Variants in PIK3CB observed in about 807,000 individuals in gnomAD.
PIK3CB encodes the protein phosphatidylinositol-4,5-bisphosphate 3-kinase catalytic subunit beta.
A neutral mutation model predicts 136.8 loss-of-function variants in PIK3CB; 39 were observed. That is an observed-to-expected ratio of 0.29 (90% CI 0.22 to 0.37). The LOEUF (loss-of-function observed/expected upper bound fraction) is 0.37, where lower values mean the gene tolerates loss of function less well. Among genes scored for constraint, PIK3CB ranks in the 10% least tolerant of loss-of-function variants. PIK3CB has a pLI of 1.00. For missense variants in PIK3CB, 868 were observed against 1,275.4 expected (o/e 0.68, Z 4.87); for synonymous variants, 428 against 436.6 (o/e 0.98, Z 0.25).
At chr3:138,809,077 C>T (rs1309799935) in intron 1 of PIK3CB, among the ~76,000 whole-genome samples, 1 of 151,690 alleles carries the variant, frequency 6.6e-6, no homozygotes, top group African/African-American at 2.4e-5. Flanking sequence ...AGTTCAAGAT[C>T]ATCCTGGCCA....
At chr3:138,701,796 A>AG (rs1328455387) in intron 12 of PIK3CB, among the ~76,000 whole-genome samples, 1 of 150,998 alleles carries the variant, frequency 6.6e-6, no homozygotes, top group Non-Finnish European at 1.5e-5. Context: ...AAAAAAAAAA[A>AG]AAAAAGAAAA....
Position 138,665,221 on chromosome 3 carries a change from G to T in PIK3CB, c.2505-18C>A. 2 of 1,525,062 alleles carry T rather than the reference G, an allele frequency of 1.3e-6. No individual in the cohort carries two copies. Among genetic ancestry groups the T allele is most frequent in the Non-Finnish European group, 1.8e-6 (2 of 1,128,666 alleles). The allele number at this position is 1,525,062 out of a possible 1,614,324, so 94.5% of individuals were successfully genotyped here. On this transcript the variant is annotated intron_variant, in intron 19 of 23. Coordinates refer to ENST00000674063, the MANE Select transcript of PIK3CB (RefSeq NM_006219.3). Reference sequence around the variant, plus strand: ...GCAACATCCTGGAAGGAAAAAAATGGGCATAGAGTCATATTTTCCTTAAAA... The same window carrying T: ...GCAACATCCTGGAAGGAAAAAAATGTGCATAGAGTCATATTTTCCTTAAAA...
intron 13 of PIK3CB, among the ~76,000 whole-genome samples, chr3:138,697,425 T>G (rs1270575875): frequency 6.0e-5 from 9 of 150,976 alleles, no homozygotes; most frequent in Non-Finnish European, 1.3e-4. Flanking sequence ...TCCAAAGATT[T>G]ATTTATTTAT....
At chr3:138,701,708 C>T (rs765284532) in intron 12 of PIK3CB, among the ~76,000 whole-genome samples, 2 of 150,648 alleles carry the variant, frequency 1.3e-5, no homozygotes, top group Non-Finnish European at 1.5e-5. Flanking sequence ...TCGCTTGAAC[C>T]CGGGGTGGCA....
At chr3:138,699,570 CAG>C (rs1577090012) in intron 12 of PIK3CB, among the ~76,000 whole-genome samples, 2 of 151,140 alleles carry the variant, frequency 1.3e-5, no homozygotes, top group East Asian at 1.9e-4. Flanking sequence ...TGATTACAAA[CAG>C]GGGATTGAGC....
chr3:138,661,176 G>A (rs1389849516), intron 21 of PIK3CB, among the ~76,000 whole-genome samples: 3 of 152,170 alleles, frequency 2.0e-5, no homozygotes, highest in African/African-American at 7.2e-5. Flanking sequence ...TGTAGTCTCT[G>A]TAGAAATAAG....
At chr3:138,756,406 C>T (rs1334098242) in intron 3 of PIK3CB, among the ~76,000 whole-genome samples, 1 of 152,082 alleles carries the variant, frequency 6.6e-6, no homozygotes, top group Non-Finnish European at 1.5e-5. Context: ...TAAGCAGAAA[C>T]TACTGATCAG....
At chr3:138,744,791 C>T (rs1432201579) in intron 4 of PIK3CB, among the ~76,000 whole-genome samples, 2 of 152,188 alleles carry the variant, frequency 1.3e-5, no homozygotes, top group Non-Finnish European at 2.9e-5. Flanking sequence ...TTTTCGGGCA[C>T]TGTTTCTTCT....
rs567255298 is a variant in PIK3CB at position 138,703,497 on chromosome 3, C to CA, written c.1581+945dup. 3.6e-4 allele frequency among the ~76,000 whole-genome samples: 54 copies of CA among 150,776 alleles called. No homozygotes were observed. The South Asian group carries it at 0.011, about 30-fold the overall frequency. ...ATACTGGATTACAGCTCAACAAAGT[C>CA]AAACTAGAAAGAGCCAAAAAATTAA... On this transcript the variant is annotated intron_variant, in intron 12 of 23. Transcript: ENST00000674063.
chr3:138,753,351 T>C (rs2108711156), intron 4 of PIK3CB, among the ~76,000 whole-genome samples: 1 of 151,608 alleles, frequency 6.6e-6, no homozygotes, highest in East Asian at 1.9e-4. Flanking sequence ...TGAAACCCTG[T>C]CTCTAATAAA....
chr3:138,708,618 G>C (rs1033266998), intron 10 of PIK3CB, among the ~76,000 whole-genome samples: 3 of 143,012 alleles, frequency 2.1e-5, no homozygotes, highest in African/African-American at 7.8e-5. Context: ...TAATCTTCCT[G>C]TTTTTTTAGA....
At position 138,682,039 on chromosome 3, in the gene PIK3CB, C is replaced by T. The variant is rs777941492; in HGVS notation, c.2432G>A (p.Arg811Gln). Reference protein sequence around the residue: ...GVIFKNGDDLRQDMLTLQMLR... With the variant: ...GVIFKNGDDLQQDMLTLQMLR... Reference sequence around the variant, plus strand: ...CATTTGGAGTGTCAACATATCCTGTCGTAAATCTAAGGGAAAACAAACTGC... The same window carrying T: ...CATTTGGAGTGTCAACATATCCTGTTGTAAATCTAAGGGAAAACAAACTGC... Residue 811 changes from arginine to glutamine, a missense_variant, in exon 19 of 24, where the codon CGA (arginine) becomes CAA (glutamine). By Grantham distance (43) the Arg-to-Gln change is conservative. Transcript: ENST00000674063. The T allele has an allele frequency of 6.2e-7, 1 of 1,608,500 alleles. No individual in the cohort carries two copies. Among genetic ancestry groups the T allele is most frequent in the Non-Finnish European group, 8.5e-7 (1 of 1,176,814 alleles).
intron 1 of PIK3CB, among the ~76,000 whole-genome samples, chr3:138,799,885 C>G (rs2046152975): frequency 6.6e-6 from 1 of 151,776 alleles, no homozygotes; most frequent in African/African-American, 2.4e-5. Flanking sequence ...TGCCATGTTG[C>G]CCAGGCTGGT....
rs936932124 is a variant in PIK3CB, at chr3:138,683,803, G to A, written c.2316-16C>T. On this transcript the variant is annotated splice_polypyrimidine_tract_variant and intron_variant, in intron 17 of 23. Coordinates refer to ENST00000674063, the MANE Select transcript of PIK3CB (RefSeq NM_006219.3). ...CTTTTCAACACTGAAATCAAGTGGG[G>A]AAAATTAGTCAACTTCAGTGTAATG... 1.5e-6 allele frequency: 2 copies of A among 1,307,486 alleles called. No individual in the cohort carries two copies. Among genetic ancestry groups the A allele is most frequent in the Non-Finnish European group, 2.2e-6 (2 of 901,906 alleles). 81.0% of individuals were successfully genotyped at this position (1,307,486 alleles called of 1,614,324 possible).
intron 14 of PIK3CB, among the ~76,000 whole-genome samples, chr3:138,693,739 C>T (rs2044059589): frequency 1.3e-5 from 2 of 151,458 alleles, no homozygotes; most frequent in Non-Finnish European, 2.9e-5. Flanking sequence ...TAAACTAATG[C>T]ATATGGCAAG....
intron 2 of PIK3CB, chr3:138,778,188 TG>T: frequency 2.2e-6 from 1 of 457,792 alleles, no homozygotes; most frequent in Admixed American, 2.3e-5. Flanking sequence ...TCATCATCTC[TG>T]CCCCCTCTGC....
intron 6 of PIK3CB, among the ~76,000 whole-genome samples, chr3:138,736,495 A>G (rs2045106543): frequency 6.6e-6 from 1 of 152,170 alleles, no homozygotes; most frequent in Admixed American, 6.5e-5. Context: ...GTAACTACTA[A>G]CCTCTAACTG....
chr3:138,811,768 T>C (rs1226695663), intron 1 of PIK3CB, among the ~76,000 whole-genome samples: 1 of 151,676 alleles, frequency 6.6e-6, no homozygotes, highest in Non-Finnish European at 1.5e-5. Flanking sequence ...ACAATTTAGA[T>C]GGATCTTCAG....
At chr3:138,724,399 G>A (rs1213103158) in intron 8 of PIK3CB, among the ~76,000 whole-genome samples, 1 of 152,142 alleles carries the variant, frequency 6.6e-6, no homozygotes, top group African/African-American at 2.4e-5. Flanking sequence ...TCAGCATGTG[G>A]ATATATTCAC....
Sources: allele counts gnomAD v4.1 joint callset (sites outside exome capture counted in the v4.1 genomes callset), GRCh38; gene constraint gnomAD v4.1.1; transcripts MANE v1.5; gene names NCBI Gene and HGNC (gene_info 2026-07-23, HGNC 2026-07-21).